MRPL34: variants seen among roughly 807,000 people sequenced by gnomAD.
MRPL34 encodes large ribosomal subunit protein bL34m.
Under a neutral mutation model 6.7 loss-of-function variants are expected in MRPL34, and 8 were observed. The ratio of observed to expected loss-of-function variants is 1.20; its 90% confidence interval spans 0.70 to 2.16. The LOEUF (loss-of-function observed/expected upper bound fraction) is 2.16. Ranked by LOEUF, MRPL34 falls within the 30% of genes most tolerant of loss-of-function variation. The pLI, the probability that MRPL34 is intolerant of heterozygous loss-of-function variation, is 0.00. For synonymous variants in MRPL34, 59 were observed against 55.1 expected (o/e 1.07, Z -0.31); for missense variants, 146 against 125.5 (o/e 1.16, Z -0.78).
chr19:17,295,885 T>A (rs867479987), intron 1 of MRPL34, among the ~76,000 whole-genome samples: 30 of 152,094 alleles, frequency 2.0e-4, no homozygotes, highest in African/African-American at 5.8e-4. Flanking sequence ...TTTTTAAAAA[T>A]TTTTTTATAA....
chr19:17,294,109 T>C (rs1182893048), intron 1 of MRPL34, among the ~76,000 whole-genome samples: 1 of 152,114 alleles, frequency 6.6e-6, no homozygotes, highest in Non-Finnish European at 1.5e-5. Context: ...CTAATGCTCC[T>C]GTTTGCCTGG....
upstream of MRPL34, chr19:17,302,840 A>G (rs1479850505): frequency 6.6e-6 from 1 of 152,026 alleles, no homozygotes; most frequent in Non-Finnish European, 1.5e-5. Context: ...AGGGGGGGAT[A>G]CCCGAGCAGT....
At chr19:17,296,411 A>G (rs1345170558) in intron 1 of MRPL34, 1 of 152,200 alleles carries the variant, frequency 6.6e-6, no homozygotes, top group Non-Finnish European at 1.5e-5. Flanking sequence ...CTCATCAGCA[A>G]GTGGTAGGAA....
upstream of MRPL34, among the ~76,000 whole-genome samples, chr19:17,300,319 C>T (rs1257852402): frequency 6.6e-6 from 1 of 151,956 alleles, no homozygotes; most frequent in Non-Finnish European, 1.5e-5. Flanking sequence ...AATCTCCTGC[C>T]TCAGCCCTTA....
upstream of MRPL34, among the ~76,000 whole-genome samples, chr19:17,298,735 C>CTTTTTT (rs34731394): frequency 4.7e-4 from 33 of 70,454 alleles, 2 homozygotes; most frequent in African/African-American, 1.4e-3. Context: ...AACAACACTG[C>CTTTTTT]TTTTTTTTTT....
intron 1 of MRPL34, among the ~76,000 whole-genome samples, chr19:17,295,272 AT>A (rs1456366866): frequency 6.6e-6 from 1 of 150,936 alleles, no homozygotes; most frequent in Non-Finnish European, 1.5e-5. Flanking sequence ...CGCCCGGCTA[AT>A]TTTTTGTATT....
At chr19:17,292,609 C>T in exon 1 of MRPL34, 1 of 1,540,024 alleles carries the variant, frequency 6.5e-7, no homozygotes, top group Non-Finnish European at 8.7e-7. Flanking sequence ...CAGGCTCGGG[C>T]CTCCTCCTGC....
chr19:17,301,741 A>T, upstream of MRPL34: 1 of 1,214,084 alleles, frequency 8.2e-7, no homozygotes, highest in Non-Finnish European at 1.1e-6. Flanking sequence ...GGGGAGCGCC[A>T]GATCAAGTGA....
At chr19:17,299,560 C>CA (rs567760409), upstream of MRPL34, among the ~76,000 whole-genome samples, 3,644 of 50,248 alleles carry the variant, frequency 0.073, 245 homozygotes, top group African/African-American at 0.21. Flanking sequence ...GACTCCATCT[C>CA]AAAAAAAAAA....
chr19:17,292,673 T>G (rs763458545), exon 1 of MRPL34: 5 of 1,610,926 alleles, frequency 3.1e-6, no homozygotes, highest in Non-Finnish European at 4.2e-6. Flanking sequence ...ACTTCTTGTC[T>G]TCTGGAGGCG....
At chr19:17,305,868 C>A (rs552464979), upstream of MRPL34, 13 of 1,611,164 alleles carry the variant, frequency 8.1e-6, no homozygotes, top group African/African-American at 1.2e-4. Flanking sequence ...CGCCCGCAGC[C>A]GGTACTGCGG....
chr19:17,301,319 G>T (rs751547039), upstream of MRPL34: 5 of 1,607,502 alleles, frequency 3.1e-6, no homozygotes, highest in Non-Finnish European at 3.4e-6. Context: ...AGGTCGGCTC[G>T]AGGGGCTCGG....
upstream of MRPL34, chr19:17,301,603 A>C: frequency 6.4e-7 from 1 of 1,554,450 alleles, no homozygotes. Context: ...ACCGTCGGTC[A>C]CCCCGGTCAG....
chr19:17,296,586 T>G (rs1393465178), intron 1 of MRPL34: 1 of 152,184 alleles, frequency 6.6e-6, no homozygotes, highest in East Asian at 1.9e-4. Flanking sequence ...AGCTCCTCAT[T>G]CCTACAAAAG....
At chr19:17,295,656 C>T (rs2074091088) in intron 1 of MRPL34, among the ~76,000 whole-genome samples, 1 of 152,154 alleles carries the variant, frequency 6.6e-6, no homozygotes, top group African/African-American at 2.4e-5. Flanking sequence ...GATCCACCCA[C>T]CTTGGCTTCC....
intron 1 of MRPL34, 83 bp from the exon 2 acceptor site, chr19:17,306,083 G>C (rs1222938063): frequency 1.7e-5 from 26 of 1,506,630 alleles, no homozygotes; most frequent in African/African-American, 6.9e-5. Flanking sequence ...CTCTGTCTCC[G>C]GGAGCCGAGG....
At chr19:17,300,762 G>A, upstream of MRPL34, 3 of 1,451,450 alleles carry the variant, frequency 2.1e-6, no homozygotes, top group Non-Finnish European at 2.8e-6. Context: ...ACAGGCGTGA[G>A]CCACGGGGCT....
At chr19:17,305,689 T>C (rs904156440), upstream of MRPL34, 4 of 632,394 alleles carry the variant, frequency 6.3e-6, no homozygotes, top group African/African-American at 1.8e-5. Flanking sequence ...TTGGTGTGTA[T>C]GCAGAGCATC....
At chr19:17,305,676 C>T (rs1884324969), upstream of MRPL34, 14 of 601,272 alleles carry the variant, frequency 2.3e-5, no homozygotes, top group South Asian at 1.9e-4. Flanking sequence ...CGCCGGCTAC[C>T]TGTTGGTGTG....
Sources: gnomAD v4.1 joint callset for allele counts (sites outside exome capture counted in the v4.1 genomes callset) on GRCh38, gnomAD v4.1.1 for gene constraint, MANE v1.5 for transcripts, NCBI Gene and HGNC (gene_info 2026-07-23, HGNC 2026-07-21) for gene names.